The following RHOU variants were observed in gnomAD, a reference collection of about 807,000 sequenced individuals.
RHOU encodes rho-related GTP-binding protein RhoU.
RHOU carries 8 observed loss-of-function variants against 12.6 expected under a neutral mutation model. The ratio of observed to expected loss-of-function variants is 0.64; its 90% confidence interval spans 0.37 to 1.15. The LOEUF (loss-of-function observed/expected upper bound fraction) is 1.15. Ranked by LOEUF, RHOU falls within the 50% of genes most tolerant of loss-of-function variation. The probability of loss-of-function intolerance (pLI) is 0.01; values close to 1 mark genes in which losing one functional copy is unlikely to be tolerated. For missense variants in RHOU, 258 were observed against 347.0 expected, an observed-to-expected ratio of 0.74 and a Z score of 2.04; for synonymous variants, 161 against 147.4, an observed-to-expected ratio of 1.09 and a Z score of -0.67.
At chr1:228,725,456 T>A in the RHOU span, among the ~76,000 whole-genome samples, 1 of 151,798 alleles carries the variant, frequency 6.6e-6, no homozygotes, top group East Asian at 1.9e-4. Context: ...AAGGGACTAG[T>A]GATGAGCAAC....
the RHOU span, among the ~76,000 whole-genome samples, chr1:228,646,806 A>C: frequency 2.0e-5 from 3 of 151,122 alleles, no homozygotes; most frequent in Non-Finnish European, 2.9e-5. Flanking sequence ...AGACGCACGC[A>C]CACACACACA....
At chr1:228,697,058 G>T in the RHOU span, among the ~76,000 whole-genome samples, 1 of 152,160 alleles carries the variant, frequency 6.6e-6, no homozygotes, top group Non-Finnish European at 1.5e-5. Flanking sequence ...GATGATCCTA[G>T]TTGGCTCAGG....
At chr1:228,669,849 A>G in the RHOU span, among the ~76,000 whole-genome samples, 2 of 152,226 alleles carry the variant, frequency 1.3e-5, no homozygotes, top group Admixed American at 1.3e-4. Flanking sequence ...TGCTTAAAGG[A>G]TGCAGTTTGT....
upstream of RHOU, among the ~76,000 whole-genome samples, chr1:228,730,512 T>A (rs903163243): frequency 3.3e-5 from 5 of 152,192 alleles, no homozygotes; most frequent in African/African-American, 4.8e-5. Flanking sequence ...ATGACCCTCC[T>A]CCACTTCCCT....
chr1:228,662,692 G>C, the RHOU span, among the ~76,000 whole-genome samples: 2 of 149,294 alleles, frequency 1.3e-5, no homozygotes, highest in Non-Finnish European at 3.0e-5. Flanking sequence ...AGGGTGGGGG[G>C]CTGGGGGAGG....
chr1:228,715,658 T>C, the RHOU span, among the ~76,000 whole-genome samples: 4 of 152,204 alleles, frequency 2.6e-5, no homozygotes, highest in African/African-American at 9.6e-5. Context: ...TCTTAAGATG[T>C]ACCGTATTGA....
the RHOU span, among the ~76,000 whole-genome samples, chr1:228,707,786 C>T: frequency 1.3e-5 from 2 of 152,184 alleles, no homozygotes; most frequent in Non-Finnish European, 2.9e-5. Flanking sequence ...TCCTCACCAG[C>T]AACGGAACAA....
chr1:228,660,039 A>C, the RHOU span, among the ~76,000 whole-genome samples: 1 of 151,954 alleles, frequency 6.6e-6, no homozygotes, highest in African/African-American at 2.4e-5. Context: ...CTGTTGTCCC[A>C]GCTACTCAGG....
At chr1:228,687,389 G>T in the RHOU span, 2 of 958,854 alleles carry the variant, frequency 2.1e-6, no homozygotes, top group Non-Finnish European at 3.4e-6. Flanking sequence ...TATAGAAAAG[G>T]TAAAGGAAAC....
At chr1:228,654,247 TACAGGCAC>T in the RHOU span, among the ~76,000 whole-genome samples, 1 of 152,078 alleles carries the variant, frequency 6.6e-6, no homozygotes, top group African/African-American at 2.4e-5. Context: ...ACCTGGAAAC[TACAGGCAC>T]ACATCACCAT....
the RHOU span, among the ~76,000 whole-genome samples, chr1:228,707,105 C>CGT: frequency 1.4e-5 from 1 of 70,844 alleles, no homozygotes; most frequent in African/African-American, 7.4e-5. Flanking sequence ...TATATACATA[C>CGT]ATATATATAT....
the RHOU span, among the ~76,000 whole-genome samples, chr1:228,655,228 C>T: frequency 5.3e-5 from 8 of 151,962 alleles, no homozygotes; most frequent in East Asian, 5.8e-4. Context: ...CTCAGCCTCC[C>T]GAGTAGCTGG....
the RHOU span, among the ~76,000 whole-genome samples, chr1:228,707,247 ATATATATAGT>A: frequency 9.6e-5 from 9 of 93,808 alleles, no homozygotes; most frequent in South Asian, 2.4e-3. Context: ...ATATATATAT[ATATATATAGT>A]GTGTGTGTGT....
the RHOU span, among the ~76,000 whole-genome samples, chr1:228,647,177 G>T: frequency 6.6e-6 from 1 of 152,208 alleles, no homozygotes; most frequent in Non-Finnish European, 1.5e-5. Flanking sequence ...GGCGGCCCGT[G>T]CGAGAGGACC....
Position 228,745,894 on chromosome 1 carries a change from TGAAA to T in RHOU, c.*2158_*2161del, listed in dbSNP as rs780142106. On this transcript the variant is annotated 3_prime_UTR_variant, in exon 3 of 3. Transcript: ENST00000366691. ...CATTTTTAAGATAGAACACAAAACT[TGAAA>T]GAAGTTTTATGCGTGTGACAGTGTA... 2.0e-5 allele frequency: 3 copies of T among 152,244 alleles called. No homozygotes were observed. Among genetic ancestry groups the T allele is most frequent in the Non-Finnish European group, 4.4e-5 (3 of 68,046 alleles). The allele number at this position is 152,244 out of a possible 1,614,324, so 9.4% of individuals were successfully genotyped here. A position where few individuals can be genotyped will look rare whatever the true frequency, so the allele number is the denominator to read the frequency against.
chr1:228,654,258 A>G, the RHOU span, among the ~76,000 whole-genome samples: 4 of 152,000 alleles, frequency 2.6e-5, no homozygotes, highest in African/African-American at 9.7e-5. Flanking sequence ...ACAGGCACAC[A>G]TCACCATGAC....
the RHOU span, among the ~76,000 whole-genome samples, chr1:228,707,705 A>G: frequency 6.6e-6 from 1 of 152,170 alleles, no homozygotes; most frequent in Non-Finnish European, 1.5e-5. Context: ...ACAAAGATGG[A>G]GAAAAACCAG....
the RHOU span, among the ~76,000 whole-genome samples, chr1:228,704,795 T>C: frequency 6.6e-6 from 1 of 151,898 alleles, no homozygotes; most frequent in African/African-American, 2.4e-5. Flanking sequence ...TATAAAGAAT[T>C]TTTTGTTTGC....
At chr1:228,670,125 G>C in the RHOU span, among the ~76,000 whole-genome samples, 1 of 152,214 alleles carries the variant, frequency 6.6e-6, no homozygotes, top group Non-Finnish European at 1.5e-5. Context: ...ACTGGTAAGA[G>C]CAGTAAAGAG....
Sources: allele counts gnomAD v4.1 joint callset (sites outside exome capture counted in the v4.1 genomes callset), GRCh38; gene constraint gnomAD v4.1.1; transcripts MANE v1.5; gene names NCBI Gene and HGNC (gene_info 2026-07-23, HGNC 2026-07-21).